Variants in AKAP6 observed in about 807,000 individuals in gnomAD.
AKAP6 encodes A-kinase anchor protein 6.
Under a neutral mutation model 188.5 loss-of-function variants are expected in AKAP6, and 58 were observed. The observed-to-expected ratio is 0.31, with a 90% confidence interval of 0.25 to 0.38. The LOEUF is 0.38. Ranked by LOEUF, AKAP6 falls within the 10% of genes least tolerant of loss-of-function variation. AKAP6 has a pLI of 1.00. For missense variants in AKAP6, 2,710 were observed against 2,740.0 expected (o/e 0.99, Z 0.24); for synonymous variants, 989 against 998.6 (o/e 0.99, Z 0.18).
chr14:32,361,745 A>G (rs1887671924), intron 1 of AKAP6, among the ~76,000 whole-genome samples: 1 of 152,184 alleles, frequency 6.6e-6, no homozygotes, highest in Non-Finnish European at 1.5e-5. Context: ...GGCTACAGGA[A>G]AAATAATTTG....
In AKAP6 at chr14:32,830,183, A is replaced by G. The variant is rs2034792266; in HGVS notation, c.*378A>G. On this transcript the variant is annotated 3_prime_UTR_variant, in exon 14 of 14. Transcript: ENST00000280979. ...TCTGCAGTTCACCAACTGGTAGTCC[A>G]TTAAATTCTCCTGTCTAGAATGACC... The G allele has an allele frequency of 1.9e-6, 1 of 516,120 alleles. No homozygotes were observed. Among genetic ancestry groups the G allele is most frequent in the African/African-American group, 2.0e-5 (1 of 50,634 alleles). 32.0% of individuals were successfully genotyped at this position (516,120 alleles called of 1,614,324 possible). A position where few individuals can be genotyped will look rare whatever the true frequency, so the allele number is the denominator to read the frequency against.
chr14:32,685,279 T>C (rs141186337), intron 8 of AKAP6, among the ~76,000 whole-genome samples: 7 of 151,800 alleles, frequency 4.6e-5, no homozygotes, highest in Non-Finnish European at 8.8e-5. Flanking sequence ...ATAAATTACT[T>C]AATTAAGAAA....
At chr14:32,683,624 G>A (rs1889788442) in intron 8 of AKAP6, among the ~76,000 whole-genome samples, 1 of 152,206 alleles carries the variant, frequency 6.6e-6, no homozygotes, top group Non-Finnish European at 1.5e-5. Flanking sequence ...AAAGGTGATA[G>A]GTATATGGAA....
At chr14:32,451,400 G>C (rs1246806318) in intron 2 of AKAP6, among the ~76,000 whole-genome samples, 2 of 152,206 alleles carry the variant, frequency 1.3e-5, no homozygotes, top group Non-Finnish European at 2.9e-5. Flanking sequence ...TGCAGAGTTT[G>C]CACAAAAGAT....
At chr14:32,623,436 C>CCTTTTCA (rs1299311697) in intron 7 of AKAP6, among the ~76,000 whole-genome samples, 2 of 152,060 alleles carry the variant, frequency 1.3e-5, no homozygotes, top group African/African-American at 4.8e-5. Context: ...CCTGCTTATC[C>CCTTTTCA]CTTTTCACTT....
chr14:32,564,625 G>A (rs149853688), intron 4 of AKAP6, among the ~76,000 whole-genome samples: 62 of 152,310 alleles, frequency 4.1e-4, no homozygotes, highest in African/African-American at 1.5e-3. Flanking sequence ...AGAGGGGCAA[G>A]TTGTCTGAAT....
intron 1 of AKAP6, among the ~76,000 whole-genome samples, chr14:32,364,286 C>T (rs1887756526): frequency 6.6e-6 from 1 of 152,170 alleles, no homozygotes; most frequent in Admixed American, 6.5e-5. Flanking sequence ...TGGGATTTTT[C>T]TAGCTATTGA....
intron 1 of AKAP6, among the ~76,000 whole-genome samples, chr14:32,414,673 A>G (rs938369964): frequency 1.3e-5 from 2 of 152,176 alleles, no homozygotes; most frequent in African/African-American, 4.8e-5. Flanking sequence ...TTGAACATAT[A>G]TGTATATAAT....
At position 32,568,848 on chromosome 14, in the gene AKAP6, T is replaced by C. The variant is rs903726340; in HGVS notation, c.2347-8272T>C. Among the ~76,000 whole-genome samples the C allele has an allele frequency of 6.6e-6, 1 of 152,230 alleles. No homozygotes were observed. The highest frequency in any genetic ancestry group is 1.5e-5 in the Non-Finnish European group (1 of 68,036). ...GTGCTCAGTTAATGTTAACCTATTGTTTGTTCCAGTTTATTCCCATTTTTT... is the reference window on the plus strand; with the variant it reads ...GTGCTCAGTTAATGTTAACCTATTGCTTGTTCCAGTTTATTCCCATTTTTT... On this transcript the variant is annotated intron_variant, in intron 4 of 13. Coordinates refer to ENST00000280979, the MANE Select transcript of AKAP6 (RefSeq NM_004274.5). The surrounding 1 kb of genome is among the most constrained non-coding windows in gnomAD (Gnocchi z 6.2).
Position 32,632,704 on chromosome 14 carries a change from C to T in AKAP6, c.2730+31912C>T, listed in dbSNP as rs576942952. On this transcript the variant is annotated intron_variant, in intron 7 of 13. Coordinates refer to ENST00000280979, the MANE Select transcript of AKAP6 (RefSeq NM_004274.5). ...GAAAGGACTTGAAAGCTATAAATGACGAGCAGGGGCAAGAGACTGGGACAG... is the reference window on the plus strand; with the variant it reads ...GAAAGGACTTGAAAGCTATAAATGATGAGCAGGGGCAAGAGACTGGGACAG... Among the ~76,000 whole-genome samples the T allele has an allele frequency of 5.3e-5, 8 of 152,016 alleles. No individual in the cohort carries two copies. In the South Asian group the frequency reaches 6.2e-4, roughly 12 times the overall value.
chr14:32,585,674 C>G (rs939589854), intron 5 of AKAP6, among the ~76,000 whole-genome samples: 1 of 152,264 alleles, frequency 6.6e-6, no homozygotes, highest in African/African-American at 2.4e-5. Flanking sequence ...CAATTTTAAT[C>G]AGTAAACTTC....
At chr14:32,482,089 T>C (rs1021028306) in intron 2 of AKAP6, among the ~76,000 whole-genome samples, 1 of 152,222 alleles carries the variant, frequency 6.6e-6, no homozygotes, top group African/African-American at 2.4e-5. Flanking sequence ...CAGCCCTACT[T>C]CCTTCCTTCC....
At chr14:32,554,147 C>T (rs1481979324) in intron 4 of AKAP6, among the ~76,000 whole-genome samples, 2 of 152,196 alleles carry the variant, frequency 1.3e-5, no homozygotes, top group Non-Finnish European at 2.9e-5. Context: ...GGCCCAATAC[C>T]TGCTTTTTAA....
intron 5 of AKAP6, among the ~76,000 whole-genome samples, chr14:32,594,611 T>C (rs1885616552): frequency 6.6e-6 from 1 of 152,110 alleles, no homozygotes; most frequent in African/African-American, 2.4e-5. Flanking sequence ...ATGGCTTTCT[T>C]CTCCCCCAGG....
chr14:32,820,089 C>G (rs2034481245), intron 12 of AKAP6, among the ~76,000 whole-genome samples: 1 of 152,056 alleles, frequency 6.6e-6, no homozygotes, highest in Non-Finnish European at 1.5e-5. Context: ...GGCAATGAGA[C>G]TGTTGCTCAG....
intron 12 of AKAP6, among the ~76,000 whole-genome samples, chr14:32,797,631 AGAG>A (rs138768493): frequency 0.4 from 61,325 of 151,668 alleles, 12,485 homozygotes; most frequent in African/African-American, 0.41. Context: ...GAGGGCAGTG[AGAG>A]GAGAGGGAGA....
chr14:32,498,836 T>C (rs1880460193), intron 2 of AKAP6, among the ~76,000 whole-genome samples: 1 of 152,158 alleles, frequency 6.6e-6, no homozygotes, highest in African/African-American at 2.4e-5. Context: ...ACAATTTAAC[T>C]TCATTTACAT....
At chr14:32,605,861 G>A (rs867187670) in intron 7 of AKAP6, among the ~76,000 whole-genome samples, 48 of 152,290 alleles carry the variant, frequency 3.2e-4, no homozygotes, top group Middle Eastern at 3.4e-3. Flanking sequence ...GTTTACTTCA[G>A]AAGCTACTGG....
At chr14:32,523,975 A>G (rs1462468258) in intron 2 of AKAP6, among the ~76,000 whole-genome samples, 6 of 152,140 alleles carry the variant, frequency 3.9e-5, no homozygotes, top group Non-Finnish European at 7.4e-5. Flanking sequence ...AAAACTCTGC[A>G]GGTCTAATGC....
Sources: gnomAD v4.1 joint callset for allele counts (sites outside exome capture counted in the v4.1 genomes callset) on GRCh38, gnomAD v4.1.1 for gene constraint, Gnocchi (gnomAD v3.1) non-coding constraint, MANE v1.5 for transcripts, NCBI Gene and HGNC (gene_info 2026-07-23, HGNC 2026-07-21) for gene names.